DIS3L2: variants seen among roughly 807,000 people sequenced by gnomAD.
DIS3L2 encodes DIS3 like 3'-5' exoribonuclease 2, also known as DIS3-like exonuclease 2.
Under a neutral mutation model 97.5 loss-of-function variants are expected in DIS3L2, and 34 were observed. The observed-to-expected ratio is 0.35, with a 90% CI of 0.27 to 0.46. The LOEUF is 0.46. Ranked by LOEUF, DIS3L2 falls within the 20% of genes least tolerant of loss-of-function variation. The pLI, the probability that DIS3L2 is intolerant of heterozygous loss-of-function variation, is 1.00. For missense variants in DIS3L2, 1,038 were observed against 1,146.0 expected (o/e 0.91, Z 1.36); for synonymous variants, 435 against 445.2 (o/e 0.98, Z 0.29).
At chr2:232,333,763 CTGT>C in intron 16 of DIS3L2, 74 bp from the exon 17 acceptor site, 1 of 1,448,182 alleles carries the variant, frequency 6.9e-7, no homozygotes. Context: ...GACGGTGAGG[CTGT>C]GGGTGGTGCC....
At chr2:232,241,000 G>A (rs1693064530) in intron 11 of DIS3L2, among the ~76,000 whole-genome samples, 2 of 152,246 alleles carry the variant, frequency 1.3e-5, no homozygotes, top group Admixed American at 1.3e-4. Flanking sequence ...CTCTGCTGCT[G>A]AGTTGTGAAA....
chr2:232,091,770 T>C (rs1277744206), intron 6 of DIS3L2, among the ~76,000 whole-genome samples: 1 of 152,216 alleles, frequency 6.6e-6, no homozygotes, highest in Non-Finnish European at 1.5e-5. Context: ...TCACCAACAG[T>C]GTATGAGGGT....
At chr2:231,991,810 T>A (rs550183577) in intron 1 of DIS3L2, among the ~76,000 whole-genome samples, 59 of 152,238 alleles carry the variant, frequency 3.9e-4, no homozygotes, top group African/African-American at 1.3e-3. Flanking sequence ...AATTTACAGG[T>A]TTTGAGAGTA....
At chr2:232,024,590 C>T (rs1243383948) in intron 4 of DIS3L2, among the ~76,000 whole-genome samples, 1 of 152,184 alleles carries the variant, frequency 6.6e-6, no homozygotes, top group African/African-American at 2.4e-5. Context: ...AGGCAGACTA[C>T]CCACCAGTTC....
chr2:232,161,309 G>A (rs1426619188), intron 8 of DIS3L2, among the ~76,000 whole-genome samples: 1 of 152,052 alleles, frequency 6.6e-6, no homozygotes, highest in Non-Finnish European at 1.5e-5. Flanking sequence ...GTTTTTTAAC[G>A]TAGAAGCTTA....
At chr2:232,342,428 G>A (rs1291631734) in intron 13 of DIS3L2, among the ~76,000 whole-genome samples, 1 of 152,138 alleles carries the variant, frequency 6.6e-6, no homozygotes, top group Non-Finnish European at 1.5e-5. Flanking sequence ...AATGCAAGGA[G>A]GGAGACGGAA....
At chr2:232,147,356 C>T (rs1057151191) in intron 8 of DIS3L2, among the ~76,000 whole-genome samples, 8 of 152,132 alleles carry the variant, frequency 5.3e-5, no homozygotes, top group Non-Finnish European at 4.4e-5. Flanking sequence ...CCCCTTCTCT[C>T]CTCCTCCAAA....
chr2:232,098,023 G>A (rs183431873), intron 6 of DIS3L2, among the ~76,000 whole-genome samples: 18 of 152,248 alleles, frequency 1.2e-4, no homozygotes, highest in African/African-American at 1.4e-4. Context: ...CTCTTTGGGC[G>A]TAGGGTGTAC....
intron 4 of DIS3L2, among the ~76,000 whole-genome samples, chr2:232,026,933 C>G (rs929958780): frequency 3.3e-5 from 5 of 151,970 alleles, no homozygotes; most frequent in Non-Finnish European, 7.4e-5. Context: ...TTATTTGGCT[C>G]CTGCTTGAGT....
chr2:232,206,107 A>G (rs2106212920), intron 9 of DIS3L2, among the ~76,000 whole-genome samples: 1 of 152,338 alleles, frequency 6.6e-6, no homozygotes, highest in South Asian at 2.1e-4. Context: ...AGTTCTTCGC[A>G]TCTCCAAAGG....
At chr2:232,284,261 G>C (rs771944474) in intron 13 of DIS3L2, among the ~76,000 whole-genome samples, 27 of 152,216 alleles carry the variant, frequency 1.8e-4, no homozygotes, top group Middle Eastern at 3.4e-3. Flanking sequence ...CGACTTATGG[G>C]AAAGCACTGA....
chr2:231,976,406 G>T (rs1470799079), intron 1 of DIS3L2, among the ~76,000 whole-genome samples: 1 of 152,058 alleles, frequency 6.6e-6, no homozygotes, highest in Non-Finnish European at 1.5e-5. Context: ...GAGGCGGGCA[G>T]ATTGCTTGAG....
chr2:232,131,357 TCTTGGCTCA>T (rs1182946545), intron 7 of DIS3L2: 2 of 152,482 alleles, frequency 1.3e-5, no homozygotes, highest in African/African-American at 4.8e-5. Context: ...AATGGCACGA[TCTTGGCTCA>T]CTGCAACCTC....
At chr2:232,233,821 T>C (rs1692861186) in intron 10 of DIS3L2, among the ~76,000 whole-genome samples, 1 of 152,208 alleles carries the variant, frequency 6.6e-6, no homozygotes, top group South Asian at 2.1e-4. Context: ...GTGGTTTAGA[T>C]TTTAAAGAGC....
chr2:232,241,225 C>A (rs1195382392), intron 11 of DIS3L2, among the ~76,000 whole-genome samples: 1 of 152,244 alleles, frequency 6.6e-6, no homozygotes, highest in Non-Finnish European at 1.5e-5. Context: ...CTTTACTTTG[C>A]CTATAAAGGT....
intron 5 of DIS3L2, among the ~76,000 whole-genome samples, chr2:232,048,813 A>G: frequency 6.6e-6 from 1 of 152,176 alleles, no homozygotes; most frequent in East Asian, 1.9e-4. Flanking sequence ...TTGTTGTTAT[A>G]GTGTGTTATT....
chr2:232,282,906 C>T (rs1326593192), intron 13 of DIS3L2, among the ~76,000 whole-genome samples: 1 of 152,194 alleles, frequency 6.6e-6, no homozygotes, highest in African/African-American at 2.4e-5. Context: ...CACATGAAGG[C>T]GCCTGTTGGA....
chr2:232,218,687 T>C (rs2106228975), intron 10 of DIS3L2, among the ~76,000 whole-genome samples: 1 of 152,370 alleles, frequency 6.6e-6, no homozygotes, highest in South Asian at 2.1e-4. Context: ...TACAAAGTAA[T>C]CTTGGAATCA....
chr2:232,187,761 A>G (rs1405375307), intron 9 of DIS3L2, among the ~76,000 whole-genome samples: 2 of 152,158 alleles, frequency 1.3e-5, no homozygotes, highest in African/African-American at 4.8e-5. Flanking sequence ...GCATTATTTA[A>G]AAAATGGAAA....
Sources: gnomAD v4.1 joint callset for allele counts (sites outside exome capture counted in the v4.1 genomes callset) on GRCh38, gnomAD v4.1.1 for gene constraint, MANE v1.5 for transcripts, NCBI Gene and HGNC (gene_info 2026-07-23, HGNC 2026-07-21) for gene names.